The following GADL1 variants were observed in gnomAD, a reference collection of about 807,000 sequenced individuals.
GADL1 encodes the protein acidic amino acid decarboxylase GADL1.
GADL1 carries 71 observed loss-of-function variants against 69.5 expected under a neutral mutation model. That is an observed-to-expected ratio of 1.02 (90% confidence interval 0.84 to 1.25). The LOEUF is 1.25. Ranked by LOEUF, GADL1 falls within the 50% of genes most tolerant of loss-of-function variation. GADL1 has a pLI of 0.00. For missense variants in GADL1, 737 were observed against 631.8 expected (o/e 1.17, Z -1.79); for synonymous variants, 254 against 214.4 (o/e 1.18, Z -1.62).
Position 30,847,310 on chromosome 3 carries a change from T to TG in GADL1, c.651+2685dup, listed in dbSNP as rs151207384. ...ACACATGCAAAAACACCTTCAGTGGTGGGTACGTATATTCTGCACTGGATG... is the reference window on the plus strand; with the variant it reads ...ACACATGCAAAAACACCTTCAGTGGTGGGGTACGTATATTCTGCACTGGATG... On this transcript the variant is annotated intron_variant, in intron 6 of 14. Transcript: ENST00000282538. Among the ~76,000 whole-genome samples, 1,261 of 152,204 alleles carry TG rather than the reference T, an allele frequency of 8.3e-3. 61 individuals carry two copies. In the East Asian group the frequency reaches 0.14, roughly 17 times the overall value.
chr3:30,753,796 AATTC>A (rs1254644253), intron 14 of GADL1, among the ~76,000 whole-genome samples: 5 of 152,216 alleles, frequency 3.3e-5, no homozygotes, highest in Admixed American at 6.5e-5. Flanking sequence ...AGATTTATCT[AATTC>A]ATAAATTGCA....
intron 12 of GADL1, among the ~76,000 whole-genome samples, chr3:30,797,278 G>A (rs1697053320): frequency 6.6e-6 from 1 of 152,082 alleles, no homozygotes; most frequent in South Asian, 2.1e-4. Context: ...AGACCTCTAG[G>A]GGGAAAACAA....
At chr3:30,881,015 G>A (rs1010274595) in intron 1 of GADL1, among the ~76,000 whole-genome samples, 6 of 151,884 alleles carry the variant, frequency 4.0e-5, no homozygotes, top group Admixed American at 1.3e-4. Flanking sequence ...AGAAAGCATA[G>A]GCATTGTCCT....
chr3:30,747,600 G>T (rs1695726753), intron 14 of GADL1, among the ~76,000 whole-genome samples: 1 of 152,040 alleles, frequency 6.6e-6, no homozygotes, highest in Non-Finnish European at 1.5e-5. Context: ...GAATCAAATG[G>T]ATTTTTAGTT....
intron 12 of GADL1, among the ~76,000 whole-genome samples, chr3:30,787,168 G>T (rs571330230): frequency 6.6e-6 from 1 of 151,956 alleles, no homozygotes; most frequent in Non-Finnish European, 1.5e-5. Flanking sequence ...CACATCCTGC[G>T]CATGTACCCC....
At chr3:30,793,367 T>G (rs551462533) in intron 12 of GADL1, among the ~76,000 whole-genome samples, 30 of 143,770 alleles carry the variant, frequency 2.1e-4, no homozygotes, top group African/African-American at 7.4e-4. Flanking sequence ...GAAAACAGCC[T>G]AAAGACAAAA....
intron 14 of GADL1, among the ~76,000 whole-genome samples, chr3:30,761,140 T>C (rs922561416): frequency 3.9e-5 from 6 of 152,334 alleles, no homozygotes; most frequent in South Asian, 4.1e-4. Context: ...CGTAAATCTT[T>C]ATATTGTATG....
rs1210889959 is a variant in GADL1, at chr3:30,780,682, T to C, written c.1303-2414A>G. The stretch of plus-strand genomic sequence containing the variant: ...TATTTTACAAGTTAGGACTTAGATC[T>C]GATTCCTTTTGCCCAAACAGAAACT... On this transcript the variant is annotated intron_variant, in intron 13 of 14. Coordinates refer to ENST00000282538, the MANE Select transcript of GADL1 (RefSeq NM_207359.3). Among the ~76,000 whole-genome samples, 3 of 152,238 alleles carry C rather than the reference T, an allele frequency of 2.0e-5. No homozygotes were observed. In the East Asian group the frequency reaches 5.8e-4, roughly 29 times the overall value.
chr3:30,838,685 C>T (rs1175175397), intron 9 of GADL1, among the ~76,000 whole-genome samples: 1 of 152,100 alleles, frequency 6.6e-6, no homozygotes, highest in African/African-American at 2.4e-5. Context: ...ACCAAAGTCT[C>T]TCGGCTCCCT....
intron 11 of GADL1, among the ~76,000 whole-genome samples, chr3:30,810,018 CT>C (rs1328833258): frequency 1.3e-5 from 2 of 152,252 alleles, no homozygotes; most frequent in South Asian, 2.1e-4. Context: ...ACATGAGGTG[CT>C]TGTGATTGAA....
intron 14 of GADL1, among the ~76,000 whole-genome samples, chr3:30,759,059 T>C (rs1248497341): frequency 1.5e-5 from 2 of 135,182 alleles, no homozygotes; most frequent in African/African-American, 5.4e-5. Flanking sequence ...AGAGTCATAA[T>C]GATTAAAAAT....
intron 4 of GADL1, among the ~76,000 whole-genome samples, chr3:30,851,421 A>G (rs575188801): frequency 3.0e-3 from 462 of 152,280 alleles, no homozygotes; most frequent in African/African-American, 0.011. Context: ...GGCTTCCTCT[A>G]CTACACTCTC....
chr3:30,870,680 C>T (rs68030515), intron 1 of GADL1, among the ~76,000 whole-genome samples: 28,586 of 151,418 alleles, frequency 0.19, 3,254 homozygotes, highest in East Asian at 0.39. Context: ...AGGCAGTAGA[C>T]AATGGGAACT....
chr3:30,809,265 A>G (rs72849840), intron 11 of GADL1, among the ~76,000 whole-genome samples: 7,970 of 152,252 alleles, frequency 0.052, 710 homozygotes, highest in African/African-American at 0.18. Flanking sequence ...TTTCTGCTGT[A>G]GATTTTTCAT....
rs1037065979 is a variant in GADL1, at chr3:30,726,758, T to C, written c.*1484A>G. The C allele has an allele frequency of 2.6e-5, 4 of 152,190 alleles. No homozygotes were observed. The highest frequency in any genetic ancestry group is 9.7e-5 in the African/African-American group (4 of 41,424). The allele number at this position is 152,190 out of a possible 1,614,324, so 9.4% of individuals were successfully genotyped here. ...ACCTTTAATTATATTCATAATCTTA[T>C]CTTGGTGAACTCTACACCCACACCT... On this transcript the variant is annotated 3_prime_UTR_variant, in exon 15 of 15. Coordinates refer to ENST00000282538, the MANE Select transcript of GADL1 (RefSeq NM_207359.3).
In GADL1 at chr3:30,751,379, C is replaced by T. The variant is rs72852572; in HGVS notation, c.1393-22964G>A. Among the ~76,000 whole-genome samples the T allele has an allele frequency of 7.4e-4, 113 of 151,996 alleles. 1 individual carries two copies. In the South Asian group the frequency reaches 8.8e-3, roughly 12 times the overall value. On this transcript the variant is annotated intron_variant, in intron 14 of 14. Coordinates refer to ENST00000282538, the MANE Select transcript of GADL1 (RefSeq NM_207359.3). Reference sequence around the variant, plus strand: ...TTGTTTCTATTCTGTGAGTTGTCTTCGCTCAGTCTGTGCTTTTTCTTTCCT... The same window carrying T: ...TTGTTTCTATTCTGTGAGTTGTCTTTGCTCAGTCTGTGCTTTTTCTTTCCT...
At chr3:30,801,953 G>T (rs530765196) in intron 11 of GADL1, among the ~76,000 whole-genome samples, 2 of 152,254 alleles carry the variant, frequency 1.3e-5, no homozygotes, top group South Asian at 4.1e-4. Context: ...TCTCATCTAT[G>T]TCTTGTCTTA....
chr3:30,785,667 C>T (rs957066673), intron 13 of GADL1, among the ~76,000 whole-genome samples: 1 of 152,188 alleles, frequency 6.6e-6, no homozygotes, highest in African/African-American at 2.4e-5. Context: ...AGCCACTGTG[C>T]CTAGCCAGCT....
intron 14 of GADL1, among the ~76,000 whole-genome samples, chr3:30,753,428 CTTAG>C (rs1342459299): frequency 2.0e-5 from 3 of 151,802 alleles, no homozygotes; most frequent in Non-Finnish European, 2.9e-5. Context: ...GAGGTTTTTC[CTTAG>C]TTTATTTTTT....
Sources: gnomAD v4.1 joint callset for allele counts (sites outside exome capture counted in the v4.1 genomes callset) on GRCh38, gnomAD v4.1.1 for gene constraint, MANE v1.5 for transcripts, NCBI Gene and HGNC (gene_info 2026-07-23, HGNC 2026-07-21) for gene names.